SLCO3A1: variants seen among roughly 807,000 people sequenced by gnomAD.
SLCO3A1 encodes the protein solute carrier organic anion transporter family member 3A1.
Under a neutral mutation model 63.1 loss-of-function variants are expected in SLCO3A1, and 27 were observed. That is an observed-to-expected ratio of 0.43 (90% CI 0.32 to 0.59). SLCO3A1 has a LOEUF of 0.59. SLCO3A1 is among the 20% of genes least tolerant of loss of function. The pLI is 0.09. For missense variants in SLCO3A1, 773 were observed against 945.8 expected (o/e 0.82, Z 2.40); for synonymous variants, 473 against 409.9 (o/e 1.15, Z -1.86).
intron 4 of SLCO3A1, among the ~76,000 whole-genome samples, chr15:92,114,613 T>C (rs207953): frequency 0.73 from 110,488 of 151,988 alleles, 40,558 homozygotes; most frequent in Admixed American, 0.83. Context: ...TTTTCTACAT[T>C]TTTATTATTT....
At chr15:91,926,594 T>TGTGTGC (rs1555450174) in intron 2 of SLCO3A1, among the ~76,000 whole-genome samples, 2 of 94,180 alleles carry the variant, frequency 2.1e-5, no homozygotes, top group Non-Finnish European at 4.5e-5. Context: ...TGTGTGTGTG[T>TGTGTGC]GTGCGCGCGC....
At chr15:91,958,640 C>T (rs1900326362) in intron 2 of SLCO3A1, among the ~76,000 whole-genome samples, 1 of 152,146 alleles carries the variant, frequency 6.6e-6, no homozygotes, top group Non-Finnish European at 1.5e-5. Flanking sequence ...GGAAAGCCTT[C>T]TTAAAAAACA....
In SLCO3A1 at chr15:91,916,607, G is replaced by A. The variant is rs1240260617; in HGVS notation, c.646+149G>A. The A allele has an allele frequency of 3.1e-6, 2 of 648,778 alleles. No homozygotes were observed. Among genetic ancestry groups the A allele is most frequent in the Non-Finnish European group, 5.1e-6 (2 of 389,882 alleles). 40.2% of individuals were successfully genotyped at this position (648,778 alleles called of 1,614,324 possible). A position where few individuals can be genotyped will look rare whatever the true frequency, so the allele number is the denominator to read the frequency against. ...TCTTGAAAAATACTCATGCCTGGGGGTGCAACCTGGGCATTGAGACGTTTT... is the reference window on the plus strand; with the variant it reads ...TCTTGAAAAATACTCATGCCTGGGGATGCAACCTGGGCATTGAGACGTTTT... On this transcript the variant is annotated intron_variant, in intron 2 of 9. Transcript: ENST00000318445. The surrounding 1 kb of genome is among the most constrained non-coding windows in gnomAD (Gnocchi z 6.2).
In SLCO3A1 at chr15:92,165,507, A is replaced by C; in HGVS notation, c.*2372A>C. 1 of 981,536 alleles carries C rather than the reference A, an allele frequency of 1.0e-6. No individual in the cohort carries two copies. The highest frequency in any genetic ancestry group is 1.2e-6 in the Non-Finnish European group (1 of 828,504). 60.8% of individuals were successfully genotyped at this position (981,536 alleles called of 1,614,324 possible). On this transcript the variant is annotated 3_prime_UTR_variant, in exon 10 of 10. Transcript: ENST00000318445. ...TATGGAACTATTTGCTTTGAGAGAA[A>C]AAAAAAAGAAAGTTTTTTAAACTCT...
In SLCO3A1 at chr15:91,880,409, C is replaced by CTG. The variant is rs58932263; in HGVS notation, c.180+26337_180+26338dup. On this transcript the variant is annotated intron_variant, in intron 1 of 9. Transcript: ENST00000318445. ...TCTCTCTCTCTCTCTCTCTCTCTCTCTGTGTGTGTGTGTGTGTAGTTCTTT... is the reference window on the plus strand; with the variant it reads ...TCTCTCTCTCTCTCTCTCTCTCTCTCTGTGTGTGTGTGTGTGTGTAGTTCTTT... 1.2e-3 allele frequency among the ~76,000 whole-genome samples: 170 copies of CTG among 142,362 alleles called. 1 individual carries two copies. The highest frequency in any genetic ancestry group is 2.8e-3 in the African/African-American group (104 of 37,296). The allele number at this position is 142,362 out of a possible 152,430, so 93.4% of individuals were successfully genotyped here. A position where few individuals can be genotyped will look rare whatever the true frequency, so the allele number is the denominator to read the frequency against.
chr15:92,027,995 A>G (rs1468908486), intron 2 of SLCO3A1, among the ~76,000 whole-genome samples: 2 of 152,194 alleles, frequency 1.3e-5, no homozygotes, highest in Admixed American at 6.5e-5. Flanking sequence ...GTTCGGCTCA[A>G]TCTGCACAAA....
At chr15:92,129,293 A>G (rs1386399044) in intron 7 of SLCO3A1, among the ~76,000 whole-genome samples, 1 of 152,142 alleles carries the variant, frequency 6.6e-6, no homozygotes, top group East Asian at 1.9e-4. Flanking sequence ...TACTCTGTCA[A>G]CTAGAAGATC....
rs74991149 is a variant in SLCO3A1, at chr15:92,128,496, G to C, written c.1512+7G>C. ...TGCTGGCTGCAACAGCACGGTAATG[G>C]GATGGGGCAGGGGATGGGGCAGGGG... On this transcript the variant is annotated splice_region_variant and intron_variant, in intron 7 of 9. Transcript: ENST00000318445. The C allele has an allele frequency of 2.0e-5, 31 of 1,567,304 alleles. No individual in the cohort carries two copies. In the Admixed American group the frequency reaches 5.3e-4, roughly 27 times the overall value.
chr15:91,998,862 C>T (rs996395278), intron 2 of SLCO3A1, among the ~76,000 whole-genome samples: 8 of 152,204 alleles, frequency 5.3e-5, no homozygotes, highest in African/African-American at 1.9e-4. Context: ...TAGCACGATT[C>T]ACAATAGCAA....
intron 2 of SLCO3A1, among the ~76,000 whole-genome samples, chr15:91,958,035 T>C (rs1900303211): frequency 6.6e-6 from 1 of 152,156 alleles, no homozygotes; most frequent in Non-Finnish European, 1.5e-5. Flanking sequence ...TTTTTTTCAA[T>C]AAATATATTG....
intron 2 of SLCO3A1, among the ~76,000 whole-genome samples, chr15:92,083,518 C>T (rs766692392): frequency 3.3e-5 from 5 of 152,220 alleles, no homozygotes; most frequent in Non-Finnish European, 7.3e-5. Context: ...GTGCCTGGTC[C>T]TTGCAGTTCC....
intron 2 of SLCO3A1, among the ~76,000 whole-genome samples, chr15:92,039,911 G>T (rs1157665387): frequency 1.3e-5 from 2 of 152,154 alleles, no homozygotes; most frequent in Non-Finnish European, 2.9e-5. Flanking sequence ...CATGTCCTTT[G>T]CAAGGACATG....
At chr15:92,001,792 C>T (rs942883263) in intron 2 of SLCO3A1, among the ~76,000 whole-genome samples, 1 of 148,012 alleles carries the variant, frequency 6.8e-6, no homozygotes, top group Non-Finnish European at 1.5e-5. Flanking sequence ...ATTTTAGAAA[C>T]GTGACGACTG....
chr15:92,165,963 G>C, downstream of SLCO3A1: 2 of 905,730 alleles, frequency 2.2e-6, no homozygotes, highest in African/African-American at 1.8e-5. Context: ...AACATGCCCA[G>C]GGTGGATGAA....
chr15:91,914,136 C>T (rs73530619), intron 1 of SLCO3A1, among the ~76,000 whole-genome samples: 1,534 of 152,288 alleles, frequency 0.01, 30 homozygotes, highest in African/African-American at 0.035. Context: ...GCACTCTTAT[C>T]CCCCTTTTAC....
rs1046625431 is a variant in SLCO3A1, at chr15:91,860,677, G to T, written c.180+6589G>T. Among the ~76,000 whole-genome samples, 1 of 152,158 alleles carries T rather than the reference G, an allele frequency of 6.6e-6. No homozygotes were observed. The highest frequency in any genetic ancestry group is 2.4e-5 in the African/African-American group (1 of 41,424). ...AGGTGTCAGGAGGGCGAGGACAAAG[G>T]GACATATGTTGTGGACATATGCTGC... On this transcript the variant is annotated intron_variant, in intron 1 of 9. Transcript: ENST00000318445. This position sits in a 1 kb window ranked among gnomAD's most constrained non-coding sequence, Gnocchi z 5.5.
At chr15:91,951,426 T>C (rs1175253179) in intron 2 of SLCO3A1, among the ~76,000 whole-genome samples, 2 of 152,262 alleles carry the variant, frequency 1.3e-5, no homozygotes, top group Non-Finnish European at 2.9e-5. Context: ...TAATTCATTG[T>C]ATGGCTGTAA....
Position 91,882,928 on chromosome 15 carries a change from A to G in SLCO3A1, c.180+28840A>G, listed in dbSNP as rs1385168004. 6.6e-6 allele frequency among the ~76,000 whole-genome samples: 1 copy of G among 152,142 alleles called. No individual in the cohort carries two copies. Among genetic ancestry groups the G allele is most frequent in the Non-Finnish European group, 1.5e-5 (1 of 68,028 alleles). ...CACCTTGGTGTCCCAAAGAGATGTA[A>G]TATCACCTTGTTCTTTAAGAAGTTG... is the stretch of plus-strand genomic sequence containing the variant. On this transcript the variant is annotated intron_variant, in intron 1 of 9. Coordinates refer to ENST00000318445, the MANE Select transcript of SLCO3A1 (RefSeq NM_013272.4). This position sits in a 1 kb window ranked among gnomAD's most constrained non-coding sequence, Gnocchi z 4.4.
chr15:91,921,268 G>T (rs549221922), intron 2 of SLCO3A1, among the ~76,000 whole-genome samples: 1 of 152,174 alleles, frequency 6.6e-6, no homozygotes, highest in South Asian at 2.1e-4. Flanking sequence ...TTACAAGGTC[G>T]CCAGTCACAT....
Sources: gnomAD v4.1 joint callset for allele counts (sites outside exome capture counted in the v4.1 genomes callset) on GRCh38, gnomAD v4.1.1 for gene constraint, Gnocchi (gnomAD v3.1) non-coding constraint, MANE v1.5 for transcripts, NCBI Gene and HGNC (gene_info 2026-07-23, HGNC 2026-07-21) for gene names.